STK24: variants seen among roughly 807,000 people sequenced by gnomAD.
STK24 encodes serine/threonine-protein kinase 24.
In STK24, 21 loss-of-function variants were observed where a neutral mutation model predicts 55.6. That is an observed-to-expected ratio of 0.38 (90% confidence interval 0.27 to 0.54). The LOEUF is 0.54. STK24 is among the 20% of genes least tolerant of loss of function. The probability of loss-of-function intolerance (pLI) is 0.79; values close to 1 mark genes in which losing one functional copy is unlikely to be tolerated. For missense variants in STK24, 383 were observed against 538.4 expected (o/e 0.71, Z 2.86); for synonymous variants, 200 against 215.2 (o/e 0.93, Z 0.62).
intron 2 of STK24, among the ~76,000 whole-genome samples, chr13:98,507,756 G>T (rs560295324): frequency 6.6e-6 from 1 of 152,312 alleles, no homozygotes; most frequent in East Asian, 1.9e-4. Context: ...AGGTCTCCAG[G>T]TCTCCAGATC....
At position 98,528,464 on chromosome 13, in the gene STK24, A is replaced by G. The variant is rs1896493193; in HGVS notation, c.43-8991T>C. ...CCGGCTCCTTTGAGGAGAAAACCCA[A>G]GTGCGAAGTATCCTATTACCCACCC... On this transcript the variant is annotated intron_variant, in intron 1 of 10. Transcript: ENST00000539966. Among the ~76,000 whole-genome samples the G allele has an allele frequency of 3.9e-5, 6 of 152,316 alleles. No individual in the cohort carries two copies. The South Asian group carries it at 1.2e-3, about 32-fold the overall frequency.
At chr13:98,506,253 C>T (rs1226916641) in intron 2 of STK24, among the ~76,000 whole-genome samples, 1 of 152,170 alleles carries the variant, frequency 6.6e-6, no homozygotes, top group Non-Finnish European at 1.5e-5. Context: ...AAAAGAGCAA[C>T]GTTCTCACGG....
At chr13:98,491,130 C>T (rs1420058166) in intron 2 of STK24, among the ~76,000 whole-genome samples, 4 of 152,138 alleles carry the variant, frequency 2.6e-5, no homozygotes, top group African/African-American at 9.7e-5. Context: ...ACCACGTTCC[C>T]GTGAGCTGGG....
intron 1 of STK24, among the ~76,000 whole-genome samples, chr13:98,536,277 C>G (rs1248560573): frequency 6.6e-6 from 1 of 152,178 alleles, no homozygotes; most frequent in Non-Finnish European, 1.5e-5. Context: ...AAGCTCCAGG[C>G]CAACACACTT....
intron 10 of STK24, 75 bp from the exon 11 acceptor site, chr13:98,453,284 A>C: frequency 6.8e-7 from 1 of 1,461,418 alleles, no homozygotes; most frequent in South Asian, 1.2e-5. Flanking sequence ...ATAGTAACCA[A>C]AATCTTAGTT....
intron 7 of STK24, 57 bp from the exon 8 acceptor site, chr13:98,461,954 C>T (rs985629103): frequency 6.2e-7 from 1 of 1,600,178 alleles, no homozygotes; most frequent in South Asian, 1.1e-5. Flanking sequence ...TCTGGGGGCG[C>T]TGGGACGTTC....
chr13:98,503,138 C>T (rs1279550838), intron 2 of STK24, among the ~76,000 whole-genome samples: 3 of 146,948 alleles, frequency 2.0e-5, no homozygotes, highest in Admixed American at 7.0e-5. Context: ...AACAGGAGAT[C>T]CCAATTTACC....
chr13:98,480,407 A>T (rs933945500), intron 3 of STK24, among the ~76,000 whole-genome samples: 1 of 152,242 alleles, frequency 6.6e-6, no homozygotes, highest in African/African-American at 2.4e-5. Context: ...TAATTACATA[A>T]AATGAGGTAA....
chr13:98,567,224 C>T (rs1226774016), intron 1 of STK24, among the ~76,000 whole-genome samples: 1 of 152,272 alleles, frequency 6.6e-6, no homozygotes, highest in African/African-American at 2.4e-5. Flanking sequence ...ACACCACTGA[C>T]TCTGCAACAT....
In STK24 at chr13:98,475,554, A is replaced by C. The variant is rs547616856; in HGVS notation, c.331-196T>G. Reference sequence around the variant, plus strand: ...TTAAAAAAACAAAGGGCCCGAGAAAATGGCTTTGCTCAATGAAGCCAAGCC... The same window carrying C: ...TTAAAAAAACAAAGGGCCCGAGAAACTGGCTTTGCTCAATGAAGCCAAGCC... On this transcript the variant is annotated intron_variant, in intron 3 of 10. Coordinates refer to ENST00000539966, the MANE Select transcript of STK24 (RefSeq NM_001032296.4). Among the ~76,000 whole-genome samples the C allele has an allele frequency of 2.0e-5, 3 of 149,438 alleles. No individual in the cohort carries two copies. In the South Asian group the frequency reaches 6.2e-4, roughly 31 times the overall value.
intron 1 of STK24, among the ~76,000 whole-genome samples, chr13:98,563,463 G>GA (rs1462491013): frequency 2.6e-5 from 4 of 152,228 alleles, no homozygotes; most frequent in African/African-American, 9.6e-5. Context: ...ATAACAAAGG[G>GA]AAAAAAGAGC....
intron 2 of STK24, among the ~76,000 whole-genome samples, chr13:98,502,602 G>A (rs1437861716): frequency 6.6e-6 from 1 of 152,152 alleles, no homozygotes; most frequent in Non-Finnish European, 1.5e-5. Context: ...TTGTTATCGT[G>A]AGAGTGGGTC....
chr13:98,573,524 G>C (rs1294304515), intron 1 of STK24, among the ~76,000 whole-genome samples: 1 of 152,056 alleles, frequency 6.6e-6, no homozygotes, highest in African/African-American at 2.4e-5. Flanking sequence ...AAAAGCAAAG[G>C]CTTCAGCAAC....
At chr13:98,479,044 G>A (rs1223933775) in intron 3 of STK24, among the ~76,000 whole-genome samples, 3 of 152,186 alleles carry the variant, frequency 2.0e-5, no homozygotes, top group African/African-American at 4.8e-5. Context: ...CTGACACGCG[G>A]GAGGCACACA....
chr13:98,504,822 C>G (rs1747136581), intron 2 of STK24, among the ~76,000 whole-genome samples: 2 of 152,180 alleles, frequency 1.3e-5, no homozygotes, highest in Non-Finnish European at 2.9e-5. Flanking sequence ...CTCCAGTACT[C>G]CATCCACATG....
chr13:98,530,104 TAC>T (rs1441874768), intron 1 of STK24, among the ~76,000 whole-genome samples: 1 of 45,762 alleles, frequency 2.2e-5, no homozygotes, highest in Admixed American at 1.6e-4. Context: ...CACACAGATA[TAC>T]ACACACACAC....
chr13:98,557,415 T>C (rs547136193), intron 1 of STK24, among the ~76,000 whole-genome samples: 2 of 152,320 alleles, frequency 1.3e-5, no homozygotes, highest in African/African-American at 4.8e-5. Flanking sequence ...GGTGCGTTCA[T>C]TCGCCCCAGG....
chr13:98,569,558 G>T (rs1897682582), intron 1 of STK24, among the ~76,000 whole-genome samples: 1 of 152,290 alleles, frequency 6.6e-6, no homozygotes, highest in East Asian at 1.9e-4. Flanking sequence ...AAAGGCACAG[G>T]TGCCACCCGA....
intron 2 of STK24, among the ~76,000 whole-genome samples, chr13:98,489,653 G>A (rs1172617872): frequency 1.3e-5 from 2 of 152,196 alleles, no homozygotes; most frequent in African/African-American, 4.8e-5. Flanking sequence ...GAGGGAGGCG[G>A]CACCTGAGCT....
Sources: gnomAD v4.1 joint callset for allele counts (sites outside exome capture counted in the v4.1 genomes callset) on GRCh38, gnomAD v4.1.1 for gene constraint, MANE v1.5 for transcripts, NCBI Gene and HGNC (gene_info 2026-07-23, HGNC 2026-07-21) for gene names.